IFT56: variants seen among roughly 807,000 people sequenced by gnomAD.
IFT56 encodes the protein intraflagellar transport protein 56.
At chr7:139,170,166 A>T in the IFT56 span, among the ~76,000 whole-genome samples, 1 of 152,226 alleles carries the variant, frequency 6.6e-6, no homozygotes, top group East Asian at 1.9e-4. Context: ...ACCATGAAGA[A>T]ATCCAAAACC....
At chr7:139,160,530 A>C in the IFT56 span, among the ~76,000 whole-genome samples, 1 of 151,976 alleles carries the variant, frequency 6.6e-6, no homozygotes, top group African/African-American at 2.4e-5. Context: ...CCCAGGTTCA[A>C]GTGTTTCTCC....
chr7:139,139,894 A>G, the IFT56 span: 1 of 1,607,500 alleles, frequency 6.2e-7, no homozygotes, highest in Non-Finnish European at 8.5e-7. Flanking sequence ...TTTCAGGAAT[A>G]CGAAAATGCT....
chr7:139,164,911 G>A, the IFT56 span, among the ~76,000 whole-genome samples: 2 of 152,250 alleles, frequency 1.3e-5, no homozygotes, highest in East Asian at 3.9e-4. Context: ...AGGATCAAAA[G>A]CAGAGAGGAG....
At chr7:139,134,996 C>T in the IFT56 span, among the ~76,000 whole-genome samples, 1 of 152,098 alleles carries the variant, frequency 6.6e-6, no homozygotes, top group South Asian at 2.1e-4. Flanking sequence ...AAAAACTAAA[C>T]TTGGCCGGGC....
At chr7:139,157,139 C>CTTTT in the IFT56 span, among the ~76,000 whole-genome samples, 414 of 82,086 alleles carry the variant, frequency 5.0e-3, 2 homozygotes, top group Middle Eastern at 0.012. Flanking sequence ...TCTTTAATTT[C>CTTTT]TTTTTTTTTT....
the IFT56 span, among the ~76,000 whole-genome samples, chr7:139,141,868 C>A: frequency 1.3e-5 from 2 of 152,124 alleles, no homozygotes; most frequent in African/African-American, 4.8e-5. Flanking sequence ...AATACTGGGA[C>A]TAAGAGGTGA....
chr7:139,159,969 T>C, the IFT56 span, among the ~76,000 whole-genome samples: 2 of 152,228 alleles, frequency 1.3e-5, no homozygotes, highest in African/African-American at 2.4e-5. Flanking sequence ...TAAGTATTGA[T>C]GGCTATTTCC....
the IFT56 span, among the ~76,000 whole-genome samples, chr7:139,143,313 CTT>C: frequency 6.6e-6 from 1 of 152,104 alleles, no homozygotes; most frequent in Non-Finnish European, 1.5e-5. Flanking sequence ...CACTTTGTCT[CTT>C]TCTCTTTTTA....
the IFT56 span, among the ~76,000 whole-genome samples, chr7:139,162,976 C>T: frequency 7.2e-6 from 1 of 138,866 alleles, no homozygotes; most frequent in African/African-American, 2.7e-5. Context: ...AAAAAAAGTA[C>T]TTATCTTGCT....
At chr7:139,147,656 TA>T in the IFT56 span, among the ~76,000 whole-genome samples, 3 of 152,342 alleles carry the variant, frequency 2.0e-5, no homozygotes, top group African/African-American at 7.2e-5. Context: ...TTGGGGGTAA[TA>T]CTGATATTAC....
At chr7:139,174,083 T>C in the IFT56 span, 1 of 603,210 alleles carries the variant, frequency 1.7e-6, no homozygotes, top group Non-Finnish European at 3.3e-6. Flanking sequence ...CTTCCTGTGC[T>C]GCTCAGGCGA....
the IFT56 span, among the ~76,000 whole-genome samples, chr7:139,151,642 A>G: frequency 6.6e-6 from 1 of 152,256 alleles, no homozygotes. Flanking sequence ...AGGTATGTAA[A>G]GTCCTTAACT....
the IFT56 span, chr7:139,189,226 A>G: frequency 4.7e-6 from 4 of 857,486 alleles, no homozygotes; most frequent in Non-Finnish European, 5.4e-6. Flanking sequence ...AATGCCCTAC[A>G]AGACATACAG....
At chr7:139,162,626 T>A in the IFT56 span, among the ~76,000 whole-genome samples, 1 of 152,196 alleles carries the variant, frequency 6.6e-6, no homozygotes, top group Non-Finnish European at 1.5e-5. Context: ...CACTTAACAT[T>A]GCTGAGTCTG....
At chr7:139,183,344 T>G in the IFT56 span, among the ~76,000 whole-genome samples, 9 of 152,150 alleles carry the variant, frequency 5.9e-5, no homozygotes, top group Admixed American at 4.6e-4. Context: ...TGGCTAAAAT[T>G]TATTACACTA....
At chr7:139,178,224 A>T in the IFT56 span, 2 of 1,613,682 alleles carry the variant, frequency 1.2e-6, no homozygotes, top group Non-Finnish European at 1.7e-6. Context: ...ATACAATACC[A>T]GGGAGGCAGT....
chr7:139,177,611 A>AGTGTGTGTGTGTGTGT, the IFT56 span, among the ~76,000 whole-genome samples: 83 of 148,590 alleles, frequency 5.6e-4, 1 homozygote, highest in Admixed American at 4.8e-3. Context: ...ATATATATAT[A>AGTGTGTGTGTGTGTGT]GTGTGTGTGT....
the IFT56 span, chr7:139,137,746 T>C: frequency 1.2e-6 from 1 of 811,118 alleles, no homozygotes; most frequent in African/African-American, 2.2e-5. Flanking sequence ...TTCTAATACT[T>C]AGATTGCCTG....
chr7:139,167,919 C>T, the IFT56 span, among the ~76,000 whole-genome samples: 67 of 144,252 alleles, frequency 4.6e-4, no homozygotes, highest in Non-Finnish European at 7.8e-4. Flanking sequence ...CCAGCCTGGG[C>T]GACAGAGCAA....
Sources: gnomAD v4.1 joint callset for allele counts (sites outside exome capture counted in the v4.1 genomes callset) on GRCh38, gnomAD v4.1.1 for gene constraint, MANE v1.5 for transcripts, NCBI Gene and HGNC (gene_info 2026-07-23, HGNC 2026-07-21) for gene names.